The following CSMD1 variants were observed in gnomAD, a reference collection of about 807,000 sequenced individuals.
The protein encoded by CSMD1 is CUB and Sushi multiple domains 1.
In CSMD1, 213 loss-of-function variants were observed where a neutral mutation model predicts 417.5. The ratio of observed to expected loss-of-function variants is 0.51; its 90% CI spans 0.46 to 0.57. The LOEUF is 0.57. CSMD1 is among the 20% of genes least tolerant of loss of function. The probability of loss-of-function intolerance (pLI) is 0.00; values close to 1 mark genes in which losing one functional copy is unlikely to be tolerated. For missense variants in CSMD1, 6,923 were observed against 4,529.7 expected (o/e 1.53, Z -15.17); for synonymous variants, 2,862 against 1,736.8 (o/e 1.65, Z -16.11).
chr8:4,362,874 T>A (rs1801851769), intron 3 of CSMD1, among the ~76,000 whole-genome samples: 1 of 152,230 alleles, frequency 6.6e-6, no homozygotes, highest in Non-Finnish European at 1.5e-5. Flanking sequence ...AATTCATGGC[T>A]CATCTGAGTT....
At chr8:3,505,028 A>G (rs1031641432) in intron 10 of CSMD1, among the ~76,000 whole-genome samples, 73 of 139,974 alleles carry the variant, frequency 5.2e-4, no homozygotes, top group Non-Finnish European at 8.5e-4. Context: ...AAAAAAAAAA[A>G]GTTTTGCTGC....
At chr8:4,434,220 C>T (rs1037100902) in intron 2 of CSMD1, among the ~76,000 whole-genome samples, 1 of 152,076 alleles carries the variant, frequency 6.6e-6, no homozygotes, top group African/African-American at 2.4e-5. Flanking sequence ...CACCTGTAAT[C>T]CCAGCTAATT....
At chr8:4,298,042 C>A (rs1459107690) in intron 3 of CSMD1, among the ~76,000 whole-genome samples, 2 of 152,126 alleles carry the variant, frequency 1.3e-5, no homozygotes, top group Non-Finnish European at 2.9e-5. Flanking sequence ...ATATTGAACT[C>A]AAGCATCACT....
At chr8:3,912,258 C>G (rs764056690) in intron 5 of CSMD1, among the ~76,000 whole-genome samples, 1 of 152,122 alleles carries the variant, frequency 6.6e-6, no homozygotes, top group African/African-American at 2.4e-5. Context: ...GGAAATATCA[C>G]TAATTATTCA....
intron 1 of CSMD1, among the ~76,000 whole-genome samples, chr8:4,643,466 T>G (rs1430022419): frequency 6.6e-6 from 1 of 152,170 alleles, no homozygotes; most frequent in Non-Finnish European, 1.5e-5. Flanking sequence ...CACTAAACAT[T>G]GCCTTACTCC....
intron 8 of CSMD1, among the ~76,000 whole-genome samples, chr8:3,610,932 G>A (rs954178878): frequency 2.0e-5 from 3 of 151,792 alleles, no homozygotes; most frequent in African/African-American, 7.3e-5. Flanking sequence ...TGGCGATTTC[G>A]CACCAGTCAA....
intron 5 of CSMD1, among the ~76,000 whole-genome samples, chr8:3,900,959 G>T (rs577636737): frequency 6.6e-6 from 1 of 152,244 alleles, no homozygotes. Flanking sequence ...ATAAAGGACA[G>T]AACAGAGCCT....
chr8:3,556,228 G>A (rs554352694), intron 10 of CSMD1, among the ~76,000 whole-genome samples: 3 of 151,528 alleles, frequency 2.0e-5, no homozygotes, highest in South Asian at 4.2e-4. Flanking sequence ...TAGAATTTAG[G>A]AGGGATCCTT....
intron 5 of CSMD1, among the ~76,000 whole-genome samples, chr8:3,860,197 T>C (rs1295702797): frequency 3.3e-5 from 5 of 152,142 alleles, no homozygotes; most frequent in Admixed American, 1.3e-4. Context: ...GTGATTCATA[T>C]GAAAGTAGGA....
chr8:3,713,386 T>C (rs569436229), intron 6 of CSMD1, among the ~76,000 whole-genome samples: 62 of 152,266 alleles, frequency 4.1e-4, no homozygotes, highest in African/African-American at 1.4e-3. Flanking sequence ...AAGAAGTGAA[T>C]ACAACTATTG....
intron 5 of CSMD1, among the ~76,000 whole-genome samples, chr8:3,944,764 C>G (rs1563238639): frequency 6.6e-6 from 1 of 152,104 alleles, no homozygotes; most frequent in Admixed American, 6.5e-5. Flanking sequence ...ACTCTCAACT[C>G]TTTTCTTACA....
intron 36 of CSMD1, among the ~76,000 whole-genome samples, chr8:3,185,138 G>A (rs570069898): frequency 5.3e-5 from 8 of 152,306 alleles, no homozygotes; most frequent in African/African-American, 1.9e-4. Flanking sequence ...GGCCTGGGAG[G>A]CCCCGAGGGC....
At chr8:4,943,434 T>C (rs1476087097) in intron 1 of CSMD1, among the ~76,000 whole-genome samples, 1 of 151,702 alleles carries the variant, frequency 6.6e-6, no homozygotes, top group African/African-American at 2.4e-5. Context: ...AGGCGGAGCT[T>C]GCAGTGAGCT....
chr8:3,109,110 C>A (rs1816338625), intron 43 of CSMD1, among the ~76,000 whole-genome samples: 1 of 152,050 alleles, frequency 6.6e-6, no homozygotes, highest in African/African-American at 2.4e-5. Flanking sequence ...ACTAAAATTA[C>A]AAAAATTAGC....
intron 3 of CSMD1, among the ~76,000 whole-genome samples, chr8:4,255,988 G>T (rs539483883): frequency 1.8e-4 from 27 of 152,296 alleles, no homozygotes; most frequent in African/African-American, 6.5e-4. Flanking sequence ...ACGACTACGT[G>T]CAGGGTAGAG....
chr8:3,937,800 C>G (rs189774225), intron 5 of CSMD1, among the ~76,000 whole-genome samples: 23 of 152,180 alleles, frequency 1.5e-4, no homozygotes, highest in East Asian at 1.9e-4. Context: ...TAGAATGTTA[C>G]TTCAATTACT....
chr8:4,273,705 G>C (rs978985090), intron 3 of CSMD1, among the ~76,000 whole-genome samples: 1 of 152,168 alleles, frequency 6.6e-6, no homozygotes, highest in Non-Finnish European at 1.5e-5. Context: ...CGAATATTCA[G>C]TTAAAAGGAT....
chr8:4,952,321 G>T (rs1338795259), intron 1 of CSMD1, among the ~76,000 whole-genome samples: 1 of 139,326 alleles, frequency 7.2e-6, no homozygotes, highest in Non-Finnish European at 1.5e-5. Flanking sequence ...AACGCTTTTT[G>T]GGAATGAAAA....
chr8:3,765,873 C>G (rs934771814), intron 5 of CSMD1, among the ~76,000 whole-genome samples: 1 of 152,196 alleles, frequency 6.6e-6, no homozygotes, highest in Non-Finnish European at 1.5e-5. Flanking sequence ...GATGACAGCA[C>G]TTGTGAGAGA....
Sources: allele counts gnomAD v4.1 joint callset (sites outside exome capture counted in the v4.1 genomes callset), GRCh38; gene constraint gnomAD v4.1.1; transcripts MANE v1.5; gene names NCBI Gene and HGNC (gene_info 2026-07-23, HGNC 2026-07-21).